Variants in ADGRB3 observed in about 807,000 individuals in gnomAD.
ADGRB3 encodes brain-specific angiogenesis inhibitor 3.
Under a neutral mutation model 193.4 loss-of-function variants are expected in ADGRB3, and 37 were observed. The observed-to-expected ratio is 0.19, with a 90% CI of 0.15 to 0.25. The LOEUF is 0.25. Ranked by LOEUF, ADGRB3 falls within the 10% of genes least tolerant of loss-of-function variation. The probability of loss-of-function intolerance (pLI) is 1.00; values close to 1 mark genes in which losing one functional copy is unlikely to be tolerated. For synonymous variants in ADGRB3, 690 were observed against 644.2 expected (o/e 1.07, Z -1.08); for missense variants, 1,637 against 1,852.9 (o/e 0.88, Z 2.14).
intron 8 of ADGRB3, 25 bp from the exon 9 acceptor site, chr6:68,974,738 C>A: frequency 6.2e-7 from 1 of 1,605,156 alleles, no homozygotes; most frequent in South Asian, 1.1e-5. Context: ...TACTGACATT[C>A]AAGTCCCTTT....
At chr6:69,070,894 C>A (rs1772060099) in intron 16 of ADGRB3, among the ~76,000 whole-genome samples, 2 of 152,176 alleles carry the variant, frequency 1.3e-5, no homozygotes, top group African/African-American at 4.8e-5. Flanking sequence ...TTATTGTTAT[C>A]TTTTCTGTAA....
intron 3 of ADGRB3, among the ~76,000 whole-genome samples, chr6:68,845,787 G>A (rs1768261947): frequency 6.6e-6 from 1 of 152,132 alleles, no homozygotes; most frequent in African/African-American, 2.4e-5. Flanking sequence ...TTTCAGGCAT[G>A]TCTTTATCAG....
chr6:69,333,822 C>T (rs1582638790), intron 24 of ADGRB3, among the ~76,000 whole-genome samples: 2 of 150,626 alleles, frequency 1.3e-5, no homozygotes, highest in Admixed American at 6.6e-5. Context: ...CCCAGCTACT[C>T]GGGAGGCTGA....
chr6:68,885,974 C>T (rs1358051752), intron 3 of ADGRB3, among the ~76,000 whole-genome samples: 1 of 152,010 alleles, frequency 6.6e-6, no homozygotes, highest in Non-Finnish European at 1.5e-5. Context: ...GAAAATAAAA[C>T]AACACAAAAC....
chr6:69,385,314 G>C (rs2127241900), intron 31 of ADGRB3, among the ~76,000 whole-genome samples: 1 of 151,702 alleles, frequency 6.6e-6, no homozygotes, highest in Non-Finnish European at 1.5e-5. Flanking sequence ...AAGAGAGAGA[G>C]GAATCAAAGG....
chr6:69,061,071 GAA>G (rs201050958), intron 15 of ADGRB3, among the ~76,000 whole-genome samples: 1 of 140,632 alleles, frequency 7.1e-6, no homozygotes, highest in South Asian at 2.2e-4. Flanking sequence ...ATCATTTAAT[GAA>G]AAAAAAAAAA....
At chr6:69,032,521 C>G (rs544764634) in intron 13 of ADGRB3, among the ~76,000 whole-genome samples, 1 of 152,284 alleles carries the variant, frequency 6.6e-6, no homozygotes, top group Non-Finnish European at 1.5e-5. Flanking sequence ...TAGTGGTCTG[C>G]CTATTTAACA....
chr6:68,661,400 C>CAT (rs1270744200), intron 3 of ADGRB3, among the ~76,000 whole-genome samples: 1 of 30,976 alleles, frequency 3.2e-5, no homozygotes, highest in African/African-American at 1.2e-4. Flanking sequence ...TGTGTGTATA[C>CAT]ATATATATGT....
intron 16 of ADGRB3, among the ~76,000 whole-genome samples, chr6:69,066,377 A>T (rs998119020): frequency 2.0e-5 from 3 of 151,928 alleles, no homozygotes; most frequent in African/African-American, 7.2e-5. Context: ...GCCATGTGAA[A>T]AAAAAAAGGA....
intron 3 of ADGRB3, among the ~76,000 whole-genome samples, chr6:68,737,823 C>G (rs747915054): frequency 6.6e-6 from 1 of 152,106 alleles, no homozygotes; most frequent in Non-Finnish European, 1.5e-5. Flanking sequence ...TTCTTCCTAC[C>G]GGGCAGGTAC....
chr6:69,376,161 G>C (rs959761638), intron 30 of ADGRB3, among the ~76,000 whole-genome samples: 5 of 133,648 alleles, frequency 3.7e-5, no homozygotes, highest in Admixed American at 1.8e-4. Flanking sequence ...TGCAATCTTG[G>C]CTCATTGCAA....
At chr6:68,808,019 A>C (rs1300215666) in intron 3 of ADGRB3, among the ~76,000 whole-genome samples, 1 of 152,232 alleles carries the variant, frequency 6.6e-6, no homozygotes, top group East Asian at 1.9e-4. Context: ...GCCTTTAAGA[A>C]AGGACTAAAA....
chr6:68,675,565 C>T (rs911054308), intron 3 of ADGRB3, among the ~76,000 whole-genome samples: 1 of 151,972 alleles, frequency 6.6e-6, no homozygotes, highest in South Asian at 2.1e-4. Flanking sequence ...ATTGAAAGAG[C>T]AAGACAACTC....
chr6:69,292,004 C>A (rs895146920), intron 20 of ADGRB3, among the ~76,000 whole-genome samples: 1 of 152,054 alleles, frequency 6.6e-6, no homozygotes, highest in Non-Finnish European at 1.5e-5. Context: ...AAAAAACAAG[C>A]CTTGCCAAGT....
intron 17 of ADGRB3, among the ~76,000 whole-genome samples, chr6:69,217,600 G>A (rs950889955): frequency 1.3e-5 from 2 of 152,162 alleles, no homozygotes; most frequent in Non-Finnish European, 2.9e-5. Flanking sequence ...AGGAAGCAGG[G>A]TGTCGCCCAG....
Position 68,693,007 on chromosome 6 carries a change from T to G in ADGRB3, c.757+53575T>G, listed in dbSNP as rs538518595. ...ATAAATATTACCACTTATTTCAAAT[T>G]TAAAACTAACCAATGAAATACAAAT... is the stretch of plus-strand genomic sequence containing the variant. On this transcript the variant is annotated intron_variant, in intron 3 of 31. Coordinates refer to ENST00000370598, the MANE Select transcript of ADGRB3 (RefSeq NM_001704.3). Among the ~76,000 whole-genome samples, 22 of 151,520 alleles carry G rather than the reference T, an allele frequency of 1.5e-4. 1 individual carries two copies. The highest frequency in any genetic ancestry group is 4.8e-4 in the African/African-American group (20 of 41,468).
chr6:69,248,375 A>G (rs1396560186), intron 20 of ADGRB3, among the ~76,000 whole-genome samples: 2 of 152,238 alleles, frequency 1.3e-5, no homozygotes, highest in Non-Finnish European at 2.9e-5. Flanking sequence ...TTGAGATAAG[A>G]TTACAATAGA....
At chr6:68,842,093 T>C (rs866773661) in intron 3 of ADGRB3, among the ~76,000 whole-genome samples, 85 of 152,160 alleles carry the variant, frequency 5.6e-4, no homozygotes, top group African/African-American at 2.0e-3. Context: ...GTAATTATCA[T>C]ACATTCCATG....
chr6:69,075,969 G>A, intron 16 of ADGRB3, 26 bp from the exon 17 acceptor site: 2 of 1,582,000 alleles, frequency 1.3e-6, no homozygotes, highest in Non-Finnish European at 8.7e-7. Context: ...CAAGATATAT[G>A]CATTCTTTCT....
Sources: gnomAD v4.1 joint callset for allele counts (sites outside exome capture counted in the v4.1 genomes callset) on GRCh38, gnomAD v4.1.1 for gene constraint, MANE v1.5 for transcripts, NCBI Gene and HGNC (gene_info 2026-07-23, HGNC 2026-07-21) for gene names.